Variants in STAC observed in about 807,000 individuals in gnomAD.
The protein encoded by STAC is SH3 and cysteine-rich domain-containing protein.
A neutral mutation model predicts 48.8 loss-of-function variants in STAC; 43 were observed. That is an observed-to-expected ratio of 0.88 (90% CI 0.69 to 1.14). The LOEUF (loss-of-function observed/expected upper bound fraction) is 1.14, where lower values mean the gene tolerates loss of function less well. STAC is among the 50% of genes most tolerant of loss of function. STAC has a pLI of 0.00. For missense variants in STAC, 497 were observed against 504.0 expected, an observed-to-expected ratio of 0.99 and a Z score of 0.13; for synonymous variants, 193 against 179.5, an observed-to-expected ratio of 1.07 and a Z score of -0.60.
At chr3:36,404,140 A>G (rs2125629403) in intron 1 of STAC, among the ~76,000 whole-genome samples, 1 of 152,296 alleles carries the variant, frequency 6.6e-6, no homozygotes, top group East Asian at 1.9e-4. Context: ...AGCATTATGG[A>G]AAAACAAATA....
chr3:36,435,042 C>G (rs1216951159), intron 1 of STAC, among the ~76,000 whole-genome samples: 1 of 152,198 alleles, frequency 6.6e-6, no homozygotes, highest in Non-Finnish European at 1.5e-5. Flanking sequence ...GATCTTCATT[C>G]TGTAACTTGC....
At chr3:36,470,488 T>C (rs988499066) in intron 2 of STAC, among the ~76,000 whole-genome samples, 1 of 152,272 alleles carries the variant, frequency 6.6e-6, no homozygotes, top group African/African-American at 2.4e-5. Context: ...TGAAGCGGAC[T>C]CTGAGTCCTT....
intron 1 of STAC, among the ~76,000 whole-genome samples, chr3:36,401,014 T>C (rs1265429352): frequency 4.6e-5 from 7 of 152,298 alleles, no homozygotes; most frequent in Non-Finnish European, 8.8e-5. Context: ...AGCTGTGGAC[T>C]TGGTTAAAGA....
Position 36,397,822 on chromosome 3 carries a change from A to G in STAC, c.111+17068A>G, listed in dbSNP as rs185253790. ...AGCAATATAAGTTGTTTCATATGTT[A>G]TTTCTTTGTTCGTTCTTGTGGTTAG... On this transcript the variant is annotated intron_variant, in intron 1 of 10. Transcript: ENST00000273183. Among the ~76,000 whole-genome samples the G allele has an allele frequency of 7.9e-5, 12 of 151,276 alleles. No homozygotes were observed. The East Asian group carries it at 2.3e-3, about 29-fold the overall frequency.
intron 1 of STAC, among the ~76,000 whole-genome samples, chr3:36,399,524 C>T (rs1028477151): frequency 2.0e-5 from 3 of 152,058 alleles, no homozygotes; most frequent in African/African-American, 7.2e-5. Flanking sequence ...GAGGGTGTTT[C>T]CTCTCAGAAA....
rs990965179 is a variant in STAC at position 36,547,009 on chromosome 3, A to T, written c.*720A>T. 6.6e-6 allele frequency: 1 copy of T among 152,404 alleles called. No individual in the cohort carries two copies. Among genetic ancestry groups the T allele is most frequent in the African/African-American group, 2.4e-5 (1 of 41,466 alleles). 9.4% of individuals were successfully genotyped at this position (152,404 alleles called of 1,614,324 possible). A position where few individuals can be genotyped will look rare whatever the true frequency, so the allele number is the denominator to read the frequency against. ...TGTTCTAGGTACTGGCCTGGGTGAC[A>T]GAGCAGGACATGAGACATAGATACA... is the stretch of plus-strand genomic sequence containing the variant. On this transcript the variant is annotated 3_prime_UTR_variant, in exon 11 of 11. Coordinates refer to ENST00000273183, the MANE Select transcript of STAC (RefSeq NM_003149.3).
intron 10 of STAC, among the ~76,000 whole-genome samples, chr3:36,545,890 C>T (rs551231372): frequency 1.3e-5 from 2 of 152,320 alleles, no homozygotes; most frequent in East Asian, 1.9e-4. Context: ...TTATCTCATT[C>T]TGTCCTCACA....
intron 3 of STAC, 96 bp from the exon 4 acceptor site, chr3:36,484,881 C>T: frequency 1.1e-6 from 1 of 914,802 alleles, no homozygotes; most frequent in Non-Finnish European, 1.6e-6. Context: ...GGAGGGTGCT[C>T]CTGGAGAAAC....
In STAC at chr3:36,443,241, GC is replaced by G; in HGVS notation, c.112-121del. ...CCCACCCACACAGGGACATTTATGA[GC>G]CTCCTCAAGACGGAGGGTGTCAGTG... On this transcript the variant is annotated intron_variant, in intron 1 of 10. Coordinates refer to ENST00000273183, the MANE Select transcript of STAC (RefSeq NM_003149.3). The surrounding 1 kb of genome is among the most constrained non-coding windows in gnomAD (Gnocchi z 4.2). 8.6e-7 allele frequency: 1 copy of G among 1,156,352 alleles called. No individual in the cohort carries two copies. Among genetic ancestry groups the G allele is most frequent in the South Asian group, 1.5e-5 (1 of 65,724 alleles). The allele number at this position is 1,156,352 out of a possible 1,614,324, so 71.6% of individuals were successfully genotyped here.
chr3:36,411,080 T>C (rs757576769), intron 1 of STAC, among the ~76,000 whole-genome samples: 1 of 152,198 alleles, frequency 6.6e-6, no homozygotes, highest in South Asian at 2.1e-4. Context: ...ATGGCAACTA[T>C]AGAAACCAAA....
intron 10 of STAC, among the ~76,000 whole-genome samples, chr3:36,542,690 A>C (rs1282496494): frequency 1.3e-5 from 2 of 152,194 alleles, no homozygotes; most frequent in African/African-American, 4.8e-5. Flanking sequence ...TCATGCAAAA[A>C]AATATTATGT....
rs1335347933 is a variant in STAC at position 36,398,304 on chromosome 3, A to AAAGAAAGAAAGAAAGC, written c.111+17566_111+17581dup. Among the ~76,000 whole-genome samples the AAAGAAAGAAAGAAAGC allele has an allele frequency of 4.6e-3, 504 of 109,414 alleles. 5 individuals are homozygous for AAAGAAAGAAAGAAAGC. The highest frequency in any genetic ancestry group is 0.019 in the African/African-American group (473 of 25,450). The allele number at this position is 109,414 out of a possible 152,430, so 71.8% of individuals were successfully genotyped here. A position where few individuals can be genotyped will look rare whatever the true frequency, so the allele number is the denominator to read the frequency against. ...TATGAAGGTATGTTAAAAAAGAAAG[A>AAAGAAAGAAAGAAAGC]AAGAAAGAAAGAAAGCAAGAAAGAA... is the stretch of plus-strand genomic sequence containing the variant. On this transcript the variant is annotated intron_variant, in intron 1 of 10. Transcript: ENST00000273183.
intron 10 of STAC, among the ~76,000 whole-genome samples, chr3:36,542,053 G>A (rs1488082689): frequency 2.0e-5 from 3 of 152,014 alleles, no homozygotes; most frequent in Admixed American, 2.0e-4. Flanking sequence ...GATAAAGATG[G>A]GAAGGGAAAG....
chr3:36,387,105 A>G (rs558108757), intron 1 of STAC, among the ~76,000 whole-genome samples: 33 of 152,214 alleles, frequency 2.2e-4, no homozygotes, highest in African/African-American at 7.7e-4. Context: ...TCAAGCCTCA[A>G]ATCTATGTGA....
intron 8 of STAC, among the ~76,000 whole-genome samples, chr3:36,506,852 C>T (rs964445534): frequency 6.6e-6 from 1 of 152,154 alleles, no homozygotes; most frequent in African/African-American, 2.4e-5. Context: ...TCTAAATATA[C>T]AATCATGTCC....
At chr3:36,528,663 TC>T in intron 8 of STAC, 32 bp from the exon 9 acceptor site, 1 of 1,537,940 alleles carries the variant, frequency 6.5e-7, no homozygotes, top group South Asian at 1.3e-5. Flanking sequence ...TCTTTTTTTT[TC>T]CTTTACCTAA....
intron 2 of STAC, among the ~76,000 whole-genome samples, 169 bp from the exon 3 acceptor site, chr3:36,482,823 C>T (rs1697688852): frequency 1.3e-5 from 2 of 152,056 alleles, no homozygotes; most frequent in Non-Finnish European, 2.9e-5. Flanking sequence ...GTAGAAAATG[C>T]AGGAGAAAGC....
Position 36,546,268 on chromosome 3 carries a change from T to C in STAC, c.1188T>C (p.Leu396=). The C allele has an allele frequency of 6.2e-7, 1 of 1,614,074 alleles. No homozygotes were observed. Among genetic ancestry groups the C allele is most frequent in the South Asian group, 1.1e-5 (1 of 91,080 alleles). ...GAAAAAAGAAAGGCCTCATCCCCCT[T>C]GATGTACTAGAAAACATCTGATTGC... The part of the protein sequence containing the change: ...LSGKKKGLIP[L]DVLENI The change falls in exon 11 of 11, where the codon CTT becomes CTC. Residue 396 remains leucine (L), a synonymous_variant. Coordinates refer to ENST00000273183, the MANE Select transcript of STAC (RefSeq NM_003149.3).
intron 5 of STAC, among the ~76,000 whole-genome samples, chr3:36,486,695 C>T (rs534572446): frequency 2.0e-5 from 3 of 152,272 alleles, no homozygotes; most frequent in South Asian, 4.1e-4. Flanking sequence ...AGAGGGCACA[C>T]CTCTTGATTG....
Sources: allele counts gnomAD v4.1 joint callset (sites outside exome capture counted in the v4.1 genomes callset), GRCh38; gene constraint gnomAD v4.1.1; non-coding constraint Gnocchi (gnomAD v3.1); transcripts MANE v1.5; gene names NCBI Gene and HGNC (gene_info 2026-07-23, HGNC 2026-07-21).